The following FAM193A variants were observed in gnomAD, a reference collection of about 807,000 sequenced individuals.
The protein encoded by FAM193A is family with sequence similarity 193 member A.
Under a neutral mutation model 126.5 loss-of-function variants are expected in FAM193A, and 22 were observed. The ratio of observed to expected loss-of-function variants is 0.17; its 90% confidence interval spans 0.12 to 0.25. The LOEUF (loss-of-function observed/expected upper bound fraction) is 0.25. FAM193A is among the 10% of genes least tolerant of loss of function. The pLI, the probability that FAM193A is intolerant of heterozygous loss-of-function variation, is 1.00. For missense variants in FAM193A, 1,675 were observed against 1,672.8 expected (o/e 1.00, Z -0.02); for synonymous variants, 761 against 646.8 (o/e 1.18, Z -2.68).
intron 20 of FAM193A, among the ~76,000 whole-genome samples, chr4:2,719,740 C>A (rs1346557055): frequency 6.8e-4 from 70 of 102,388 alleles, no homozygotes; most frequent in East Asian, 1.1e-3. Flanking sequence ...GAGACACTCT[C>A]AAAAAAAAAA....
chr4:2,688,771 T>C (rs1388769237), intron 13 of FAM193A, among the ~76,000 whole-genome samples: 5 of 152,234 alleles, frequency 3.3e-5, no homozygotes, highest in Non-Finnish European at 7.3e-5. Flanking sequence ...GTGCTCAGGA[T>C]CTCCTAAGGA....
rs768646940 is a variant in FAM193A, at chr4:2,690,875, C to T, written c.2708C>T (p.Thr903Met). The change falls in exon 15 of 21, where the codon ACG (threonine) becomes ATG (methionine). Residue 903 changes from threonine to methionine, a missense_variant. Coordinates refer to ENST00000637812, the MANE Select transcript of FAM193A (RefSeq NM_001366318.2). ...FMEANKVVMA[T>M]SSATSSVSCT... ...GAAGCAAATAAAGTTGTCATGGCCA[C>T]GTCATCAGCCACGTCCTCTGTGTCC... 5.6e-6 allele frequency: 9 copies of T among 1,614,030 alleles called. No individual in the cohort carries two copies. The highest frequency in any genetic ancestry group is 3.3e-5 in the South Asian group (3 of 91,080).
intron 3 of FAM193A, chr4:2,625,659 G>A (rs375896121): frequency 9.7e-6 from 3 of 308,586 alleles, no homozygotes; most frequent in African/African-American, 2.2e-5. Context: ...TGAGAGGAGC[G>A]ATGGGGGAGA....
At chr4:2,627,209 G>A (rs1295484077) in intron 4 of FAM193A, among the ~76,000 whole-genome samples, 1 of 138,790 alleles carries the variant, frequency 7.2e-6, no homozygotes, top group Admixed American at 8.2e-5. Context: ...CAGCCAGGCT[G>A]TAGTCCAATG....
intron 4 of FAM193A, among the ~76,000 whole-genome samples, chr4:2,627,760 T>G (rs974848381): frequency 6.6e-6 from 1 of 150,762 alleles, no homozygotes; most frequent in Non-Finnish European, 1.5e-5. Context: ...TTTTTTTTTT[T>G]GAGACGATGT....
chr4:2,629,929 G>A (rs1178069357), intron 4 of FAM193A, among the ~76,000 whole-genome samples: 2 of 152,054 alleles, frequency 1.3e-5, no homozygotes, highest in East Asian at 1.9e-4. Context: ...TCAGGAGATC[G>A]GGACCATCCT....
intron 3 of FAM193A, chr4:2,625,630 T>G: frequency 3.0e-6 from 1 of 333,840 alleles, no homozygotes; most frequent in Admixed American, 4.7e-5. Context: ...AATCAGAATC[T>G]AAGAGCAGCC....
intron 1 of FAM193A, among the ~76,000 whole-genome samples, chr4:2,592,160 C>G (rs951582587): frequency 2.6e-5 from 4 of 152,044 alleles, no homozygotes; most frequent in Non-Finnish European, 4.4e-5. Context: ...GGCGCGATAT[C>G]CGCTTGCCGC....
intron 1 of FAM193A, among the ~76,000 whole-genome samples, chr4:2,559,178 A>T (rs1738447274): frequency 6.6e-6 from 1 of 152,236 alleles, no homozygotes; most frequent in African/African-American, 2.4e-5. Flanking sequence ...CCACACCTGT[A>T]TTCCACTGGG....
chr4:2,550,119 C>A (rs1405962808), intron 1 of FAM193A, among the ~76,000 whole-genome samples: 1 of 151,558 alleles, frequency 6.6e-6, no homozygotes, highest in Non-Finnish European at 1.5e-5. Flanking sequence ...TCACTGCAAC[C>A]TCTGCCACCT....
At position 2,630,987 on chromosome 4, in the gene FAM193A, C is replaced by G; in HGVS notation, c.856C>G (p.Arg286Gly). ...QLYQRLEQQAREYVLEMKVRL... is the reference protein window; with the variant it reads ...QLYQRLEQQAGEYVLEMKVRL... ...GTACCAGCGTCTGGAACAGCAAGCT[C>G]GAGAGTATGTGCTGGAGATGAAGGT... The change falls in exon 5 of 21, where the codon CGA becomes GGA. Residue 286 changes from arginine to glycine, a missense_variant. Physicochemically the swap from Arg to Gly is moderately radical, Grantham distance 125. Transcript: ENST00000637812. 6.2e-7 allele frequency: 1 copy of G among 1,613,376 alleles called. No individual in the cohort carries two copies. The highest frequency in any genetic ancestry group is 8.5e-7 in the Non-Finnish European group (1 of 1,179,948).
chr4:2,676,920 G>A (rs1289864812), intron 13 of FAM193A, among the ~76,000 whole-genome samples: 12 of 151,728 alleles, frequency 7.9e-5, no homozygotes, highest in African/African-American at 2.7e-4. Context: ...CAGCTTGGGC[G>A]ACAGAGCAAG....
intron 1 of FAM193A, among the ~76,000 whole-genome samples, chr4:2,548,623 A>C (rs953615002): frequency 1.3e-5 from 2 of 151,114 alleles, no homozygotes; most frequent in African/African-American, 4.9e-5. Flanking sequence ...CGCCTGGCTA[A>C]TTTTTGTATT....
intron 5 of FAM193A, 30 bp from the exon 6 acceptor site, chr4:2,639,705 T>A (rs768463537): frequency 8.2e-6 from 13 of 1,593,678 alleles, no homozygotes; most frequent in Non-Finnish European, 8.6e-7. Flanking sequence ...CACTACATCT[T>A]CTGTTTATCT....
chr4:2,637,884 C>A (rs1469044331), intron 5 of FAM193A, among the ~76,000 whole-genome samples: 1 of 152,204 alleles, frequency 6.6e-6, no homozygotes, highest in Non-Finnish European at 1.5e-5. Flanking sequence ...TAAGTAAACT[C>A]CAAGTTGATT....
At chr4:2,585,576 A>AT (rs1478940613) in intron 1 of FAM193A, among the ~76,000 whole-genome samples, 1 of 151,256 alleles carries the variant, frequency 6.6e-6, no homozygotes, top group Non-Finnish European at 1.5e-5. Flanking sequence ...TATTTTTCTC[A>AT]TTTTTCACTT....
rs182533555 is a variant in FAM193A, at chr4:2,594,351, G to A, written c.256-1733G>A. Reference sequence around the variant, plus strand: ...TCCTTTTGAATACCGGTGGTGGGATGGGGAGACAGCTCGAGGCTGTGGGAA... The same window carrying A: ...TCCTTTTGAATACCGGTGGTGGGATAGGGAGACAGCTCGAGGCTGTGGGAA... On this transcript the variant is annotated intron_variant, in intron 1 of 20. Transcript: ENST00000637812. Among the ~76,000 whole-genome samples the A allele has an allele frequency of 3.3e-5, 5 of 152,262 alleles. No individual in the cohort carries two copies. The East Asian group carries it at 9.7e-4, about 29-fold the overall frequency.
chr4:2,665,728 T>C (rs570829582), intron 12 of FAM193A, among the ~76,000 whole-genome samples: 1 of 152,364 alleles, frequency 6.6e-6, no homozygotes, highest in South Asian at 2.1e-4. Context: ...GGTCTCACTA[T>C]GTTGCCCAGG....
At position 2,628,853 on chromosome 4, in the gene FAM193A, C is replaced by CTT. The variant is rs71178496; in HGVS notation, c.804-2066_804-2065dup. Among the ~76,000 whole-genome samples, 79 of 71,734 alleles carry CTT rather than the reference C, an allele frequency of 1.1e-3. 1 individual carries two copies. The highest frequency in any genetic ancestry group is 1.8e-3 in the African/African-American group (54 of 30,250). The allele number at this position is 71,734 out of a possible 152,430, so 47.1% of individuals were successfully genotyped here. The stretch of plus-strand genomic sequence containing the variant: ...TTCTTCAGCATATTGCTGTCTCTCT[C>CTT]TTTTTTTTTTTTTTTTTGAGACGGA... On this transcript the variant is annotated intron_variant, in intron 4 of 20. Coordinates refer to ENST00000637812, the MANE Select transcript of FAM193A (RefSeq NM_001366318.2).
Sources: allele counts gnomAD v4.1 joint callset (sites outside exome capture counted in the v4.1 genomes callset), GRCh38; gene constraint gnomAD v4.1.1; transcripts MANE v1.5; gene names NCBI Gene and HGNC (gene_info 2026-07-23, HGNC 2026-07-21).